The following STAC2 variants were observed in gnomAD, a reference collection of about 807,000 sequenced individuals.
STAC2 encodes SH3 and cysteine rich domain 2, also known as SH3 and cysteine-rich domain-containing protein 2.
Under a neutral mutation model 49.0 loss-of-function variants are expected in STAC2, and 36 were observed. The observed-to-expected ratio is 0.74, with a 90% confidence interval of 0.56 to 0.97. The LOEUF is 0.97. Among genes scored for constraint, STAC2 ranks in the 50% least tolerant of loss-of-function variants. The pLI is 0.00. For synonymous variants in STAC2, 239 were observed against 214.7 expected, an observed-to-expected ratio of 1.11 and a Z score of -0.99; for missense variants, 527 against 543.8, an observed-to-expected ratio of 0.97 and a Z score of 0.31.
chr17:39,213,596 G>T, intron 8 of STAC2, 38 bp from the exon 9 acceptor site: 1 of 1,611,380 alleles, frequency 6.2e-7, no homozygotes, highest in South Asian at 1.1e-5. Context: ...ATGGAGCAGG[G>T]AGTAGTGCCC....
At position 39,210,696 on chromosome 17, in the gene STAC2, C is replaced by T. The variant is rs1303729668; in HGVS notation, c.*1596G>A. ...AACAGGGCAGTGTGGCTTGAGACCC[C>T]GCTTTGTGGGGGAGAAGTGGGGCAG... On this transcript the variant is annotated 3_prime_UTR_variant, in exon 11 of 11. Coordinates refer to ENST00000333461, the MANE Select transcript of STAC2 (RefSeq NM_198993.5). The T allele has an allele frequency of 6.6e-6, 1 of 152,572 alleles. No homozygotes were observed. Among genetic ancestry groups the T allele is most frequent in the Non-Finnish European group, 1.5e-5 (1 of 68,118 alleles). The allele number at this position is 152,572 out of a possible 1,614,324, so 9.5% of individuals were successfully genotyped here. A position where few individuals can be genotyped will look rare whatever the true frequency, so the allele number is the denominator to read the frequency against.
intron 1 of STAC2, among the ~76,000 whole-genome samples, chr17:39,221,201 T>C (rs2046459376): frequency 6.6e-6 from 1 of 152,104 alleles, no homozygotes; most frequent in Non-Finnish European, 1.5e-5. Flanking sequence ...GTTCAAGCGA[T>C]TCTCCTGCCT....
chr17:39,217,040 A>G, intron 3 of STAC2, 36 bp downstream of exon 3: 1 of 1,609,370 alleles, frequency 6.2e-7, no homozygotes, highest in Non-Finnish European at 8.5e-7. Flanking sequence ...TACTGGCAGC[A>G]CTCAGCTGGC....
At chr17:39,215,970 G>A (rs146819091) in intron 4 of STAC2, among the ~76,000 whole-genome samples, 68 of 152,230 alleles carry the variant, frequency 4.5e-4, no homozygotes, top group Admixed American at 9.2e-4. Flanking sequence ...GAGATTACAG[G>A]TGTGAGCCAC....
intron 1 of STAC2, among the ~76,000 whole-genome samples, chr17:39,219,289 T>C (rs2046439539): frequency 1.3e-5 from 2 of 150,278 alleles, no homozygotes. Context: ...AACTCATCCA[T>C]GCTTTTATGC....
At chr17:39,212,497 G>A in intron 10 of STAC2, 101 bp from the exon 11 acceptor site, 1 of 838,098 alleles carries the variant, frequency 1.2e-6, no homozygotes, top group South Asian at 1.5e-5. Context: ...GGGATGATGG[G>A]ACCAGTGTCA....
In STAC2 at chr17:39,225,709, C is replaced by T. The variant is rs953376060; in HGVS notation, c.-207G>A. On this transcript the variant is annotated 5_prime_UTR_variant, in exon 1 of 11. Transcript: ENST00000333461. The surrounding 1 kb of genome is among the most constrained non-coding windows in gnomAD (Gnocchi z 8.2). ...GCGAGGGGAGGCCACCACGCTGAGC[C>T]GCAGGAGCGGGACGACCCCGGGCGC... 1.0e-5 allele frequency: 6 copies of T among 594,004 alleles called. No individual in the cohort carries two copies. Among genetic ancestry groups the T allele is most frequent in the Non-Finnish European group, 1.8e-5 (6 of 336,356 alleles). 36.8% of individuals were successfully genotyped at this position (594,004 alleles called of 1,614,324 possible).
chr17:39,223,176 C>T (rs574742201), intron 1 of STAC2, among the ~76,000 whole-genome samples: 5 of 152,206 alleles, frequency 3.3e-5, no homozygotes, highest in Non-Finnish European at 5.9e-5. Context: ...CATTGGCCCC[C>T]TCTGTTGTAC....
In STAC2 at chr17:39,215,217, C is replaced by T; in HGVS notation, c.600G>A (p.Lys200=). Residue 200 remains lysine, a synonymous_variant, in exon 5 of 11, where the codon AAG becomes AAA. Transcript: ENST00000333461. ...GCAGGGTCTCGTAGACAGGGTCCAC[C>T]TTCCCACTGTCCCCTGCAGATTATC... The part of the protein sequence containing the change: ...KESPPTGDSG[K]VDPVYETLRY... The T allele has an allele frequency of 1.9e-6, 3 of 1,613,914 alleles. No homozygotes were observed. The highest frequency in any genetic ancestry group is 1.1e-5 in the South Asian group (1 of 91,082).
In STAC2 at chr17:39,225,410, T is replaced by C; in HGVS notation, c.90+3A>G. The stretch of plus-strand genomic sequence containing the variant: ...CGGACAGGCCTTGCGCCCCCCAAGT[T>C]ACCTTGGTTTCCTGGAGGGCGGAGA... On this transcript the variant is annotated splice_donor_region_variant and intron_variant, in intron 1 of 10. Coordinates refer to ENST00000333461, the MANE Select transcript of STAC2 (RefSeq NM_198993.5). The surrounding 1 kb of genome is among the most constrained non-coding windows in gnomAD (Gnocchi z 8.2). 1.2e-6 allele frequency: 2 copies of C among 1,600,098 alleles called. No individual in the cohort carries two copies. The highest frequency in any genetic ancestry group is 2.3e-5 in the East Asian group (1 of 43,544).
chr17:39,218,863 A>AT (rs1425127953), intron 1 of STAC2, among the ~76,000 whole-genome samples: 1 of 152,130 alleles, frequency 6.6e-6, no homozygotes, highest in Non-Finnish European at 1.5e-5. Flanking sequence ...CAGCCTGGGC[A>AT]ACGTAGTATC....
intron 1 of STAC2, among the ~76,000 whole-genome samples, chr17:39,221,985 C>T (rs1276735161): frequency 2.0e-5 from 3 of 152,346 alleles, no homozygotes; most frequent in Middle Eastern, 3.4e-3. Context: ...TTGGGACAGT[C>T]ATTCCATCTT....
chr17:39,217,842 G>T, intron 2 of STAC2, 25 bp downstream of exon 2: 1 of 1,581,636 alleles, frequency 6.3e-7, no homozygotes, highest in South Asian at 1.2e-5. Flanking sequence ...CCTCCCCGTG[G>T]CCGCCTCAGT....
At chr17:39,220,394 A>C (rs1174047986) in intron 1 of STAC2, among the ~76,000 whole-genome samples, 3 of 152,078 alleles carry the variant, frequency 2.0e-5, no homozygotes, top group Non-Finnish European at 4.4e-5. Context: ...CTGGGGGCAA[A>C]ACTAAACCTA....
chr17:39,212,486 G>C, intron 10 of STAC2, 90 bp from the exon 11 acceptor site: 1 of 907,626 alleles, frequency 1.1e-6, no homozygotes, highest in African/African-American at 1.7e-5. Flanking sequence ...ACCCACCCTG[G>C]GGGATGATGG....
chr17:39,223,667 C>T (rs764012024), intron 1 of STAC2, among the ~76,000 whole-genome samples: 1 of 152,220 alleles, frequency 6.6e-6, no homozygotes, highest in African/African-American at 2.4e-5. Flanking sequence ...CCTTCCAGCA[C>T]TCCCACATAG....
At position 39,215,703 on chromosome 17, in the gene STAC2, C is replaced by T. The variant is rs568609539; in HGVS notation, c.587-473G>A. Among the ~76,000 whole-genome samples, 60 of 152,240 alleles carry T rather than the reference C, an allele frequency of 3.9e-4. 1 individual carries two copies. The highest frequency in any genetic ancestry group is 2.1e-3 in the South Asian group (10 of 4,822). On this transcript the variant is annotated intron_variant, in intron 4 of 10. Transcript: ENST00000333461. ...CCCCAAGGCCTCGTACCCATGGTCTCGTTTTTTCTTTTTTTTTCGAGACGG... is the reference window on the plus strand; with the variant it reads ...CCCCAAGGCCTCGTACCCATGGTCTTGTTTTTTCTTTTTTTTTCGAGACGG...
chr17:39,218,437 G>A (rs769171940), intron 1 of STAC2, among the ~76,000 whole-genome samples: 10 of 152,332 alleles, frequency 6.6e-5, no homozygotes, highest in Middle Eastern at 3.4e-3. Context: ...ATCAAGAGCC[G>A]TGGGGACTGT....
At position 39,225,358 on chromosome 17, in the gene STAC2, G is replaced by A; in HGVS notation, c.90+55C>T. The A allele has an allele frequency of 2.7e-6, 4 of 1,496,234 alleles. No homozygotes were observed. Among genetic ancestry groups the A allele is most frequent in the Non-Finnish European group, 2.7e-6 (3 of 1,114,770 alleles). The allele number at this position is 1,496,234 out of a possible 1,614,324, so 92.7% of individuals were successfully genotyped here. ...CCCGGGCCCACAGGAGGACCCCGCC[G>A]GGAAGAGGGCGCCCGGGCCCGGGGC... On this transcript the variant is annotated intron_variant, in intron 1 of 10. Transcript: ENST00000333461. The surrounding 1 kb of genome is among the most constrained non-coding windows in gnomAD (Gnocchi z 8.2).
Sources: allele counts gnomAD v4.1 joint callset (sites outside exome capture counted in the v4.1 genomes callset), GRCh38; gene constraint gnomAD v4.1.1; non-coding constraint Gnocchi (gnomAD v3.1); transcripts MANE v1.5; gene names NCBI Gene and HGNC (gene_info 2026-07-23, HGNC 2026-07-21).